DNAH5: variants seen among roughly 807,000 people sequenced by gnomAD.
DNAH5 encodes the protein axonemal beta dynein heavy chain 5.
Under a neutral mutation model 518.2 loss-of-function variants are expected in DNAH5, and 372 were observed. That is an observed-to-expected ratio of 0.72 (90% confidence interval 0.66 to 0.78). The LOEUF (loss-of-function observed/expected upper bound fraction) is 0.78. Ranked by LOEUF, DNAH5 falls within the 30% of genes least tolerant of loss-of-function variation. The pLI, the probability that DNAH5 is intolerant of heterozygous loss-of-function variation, is 0.00. For synonymous variants in DNAH5, 2,039 were observed against 2,025.9 expected, an observed-to-expected ratio of 1.01 and a Z score of -0.17; for missense variants, 5,523 against 5,687.0, an observed-to-expected ratio of 0.97 and a Z score of 0.93.
At chr5:13,953,339 G>A (rs971135201) in intron 1 of DNAH5, among the ~76,000 whole-genome samples, 1 of 152,090 alleles carries the variant, frequency 6.6e-6, no homozygotes, top group Non-Finnish European at 1.5e-5. Flanking sequence ...GTAATACCTT[G>A]TTCCTGCTTC....
chr5:13,708,112 C>G lies in DNAH5; in HGVS notation c.13338+11G>C. The G allele has an allele frequency of 6.2e-7, 1 of 1,613,712 alleles. No individual in the cohort carries two copies. The highest frequency in any genetic ancestry group is 8.5e-7 in the Non-Finnish European group (1 of 1,179,676). Reference sequence around the variant, plus strand: ...AGTGAACAGGCAGAATAACAGCAGGCTTATACGTACTTTTTTCCACCAAGC... The same window carrying G: ...AGTGAACAGGCAGAATAACAGCAGGGTTATACGTACTTTTTTCCACCAAGC... On this transcript the variant is annotated intron_variant, in intron 76 of 78. Coordinates refer to ENST00000265104, the MANE Select transcript of DNAH5 (RefSeq NM_001369.3).
chr5:13,864,438 T>TATTTCTTAACTTAAAGCTTTC lies in DNAH5; in HGVS notation c.4534_4554dup (p.Glu1512_Asn1518dup). 6.2e-7 allele frequency: 1 copy of TATTTCTTAACTTAAAGCTTTC among 1,614,196 alleles called. No homozygotes were observed. The highest frequency in any genetic ancestry group is 8.5e-7 in the Non-Finnish European group (1 of 1,180,016). On this transcript the variant is annotated inframe_insertion, in exon 28 of 79. Transcript: ENST00000265104. ...TATTTCAGAAGAGGTGCCTCCATGA[T>TATTTCTTAACTTAAAGCTTTC]ATTTCTTAACTTAAAGCTTTCATTC... is the stretch of plus-strand genomic sequence containing the variant.
At chr5:14,003,421 T>C (rs189610456) in intron 1 of DNAH5, among the ~76,000 whole-genome samples, 1 of 152,330 alleles carries the variant, frequency 6.6e-6, no homozygotes, top group East Asian at 1.9e-4. Flanking sequence ...CCTTCTTTGG[T>C]AGGTAAGATC....
chr5:13,928,908 T>C (rs1298207363), intron 2 of DNAH5, among the ~76,000 whole-genome samples: 1 of 152,152 alleles, frequency 6.6e-6, no homozygotes, highest in Admixed American at 6.5e-5. Flanking sequence ...ATGTAAATGG[T>C]GGAGCCGTTG....
chr5:13,894,172 C>A (rs889443583), intron 16 of DNAH5, among the ~76,000 whole-genome samples: 1 of 152,180 alleles, frequency 6.6e-6, no homozygotes, highest in Non-Finnish European at 1.5e-5. Context: ...TTGCAACATA[C>A]CCGTACACAT....
At chr5:13,781,613 C>G (rs1450105438) in intron 52 of DNAH5, among the ~76,000 whole-genome samples, 1 of 151,990 alleles carries the variant, frequency 6.6e-6, no homozygotes, top group Non-Finnish European at 1.5e-5. Context: ...ATGGTTTTAT[C>G]AGGGGTTTTC....
intron 12 of DNAH5, among the ~76,000 whole-genome samples, chr5:13,905,282 T>C (rs57268322): frequency 0.066 from 10,046 of 152,252 alleles, 616 homozygotes; most frequent in African/African-American, 0.16. Flanking sequence ...TAAGAGGTTA[T>C]TAGGCCCTGA....
At chr5:13,981,938 G>T (rs1347597465) in intron 1 of DNAH5, among the ~76,000 whole-genome samples, 8 of 152,160 alleles carry the variant, frequency 5.3e-5, no homozygotes, top group Non-Finnish European at 7.3e-5. Flanking sequence ...GAAACACAAG[G>T]CGTAAGCTTT....
chr5:13,878,053 T>A (rs1771131266), intron 21 of DNAH5, among the ~76,000 whole-genome samples: 1 of 152,042 alleles, frequency 6.6e-6, no homozygotes, highest in Non-Finnish European at 1.5e-5. Flanking sequence ...CATTTGTGTG[T>A]CTCTCTAGAC....
In DNAH5 at chr5:13,876,924, TCTC is replaced by T. The variant is rs1462865840; in HGVS notation, c.3263-110_3263-108del. On this transcript the variant is annotated intron_variant, in intron 21 of 78. Transcript: ENST00000265104. ...GTAAAGCAAGGACTTCTGAAAATCT[TCTC>T]CTTTATAAAAACAATGAAAATAATG... 42 of 1,136,462 alleles carry T rather than the reference TCTC, an allele frequency of 3.7e-5. No individual in the cohort carries two copies. In the East Asian group the frequency reaches 4.4e-4, roughly 12 times the overall value. The allele number at this position is 1,136,462 out of a possible 1,614,324, so 70.4% of individuals were successfully genotyped here. A position where few individuals can be genotyped will look rare whatever the true frequency, so the allele number is the denominator to read the frequency against.
chr5:14,007,568 G>A (rs1305431913), intron 1 of DNAH5, among the ~76,000 whole-genome samples: 1 of 152,190 alleles, frequency 6.6e-6, no homozygotes, highest in African/African-American at 2.4e-5. Context: ...CCCCATCTGG[G>A]ATAGGTACAA....
At chr5:13,991,416 C>T (rs1022820771) in intron 1 of DNAH5, among the ~76,000 whole-genome samples, 1 of 151,374 alleles carries the variant, frequency 6.6e-6, no homozygotes, top group African/African-American at 2.4e-5. Flanking sequence ...TAAATGCCTG[C>T]TTGTCAGACA....
At chr5:13,822,882 G>A (rs1046895984) in intron 40 of DNAH5, among the ~76,000 whole-genome samples, 2 of 151,944 alleles carry the variant, frequency 1.3e-5, no homozygotes, top group South Asian at 2.1e-4. Context: ...CAAATAACAC[G>A]CAGAGGCAGG....
chr5:13,921,162 T>A (rs1040568383), intron 5 of DNAH5, among the ~76,000 whole-genome samples: 41 of 152,140 alleles, frequency 2.7e-4, no homozygotes, highest in African/African-American at 9.7e-4. Flanking sequence ...CTGCCCTCCA[T>A]CACAGTCAAT....
Position 13,842,433 on chromosome 5 carries a change from A to AAGAGAGAGAGAGAGAGAGAG in DNAH5, c.5272-530_5272-529insCTCTCTCTCTCTCTCTCTCT, listed in dbSNP as rs756093950. ...GAAAGAAAAGAAAAGAAAAGAAAGAAAGAAAGAAAGAAAGAAAGAAAGAAA... is the reference window on the plus strand; with the variant it reads ...GAAAGAAAAGAAAAGAAAAGAAAGAAAGAGAGAGAGAGAGAGAGAGAGAAAGAAAGAAAGAAAGAAAGAAA... On this transcript the variant is annotated intron_variant, in intron 32 of 78. Coordinates refer to ENST00000265104, the MANE Select transcript of DNAH5 (RefSeq NM_001369.3). 7.1e-4 allele frequency among the ~76,000 whole-genome samples: 44 copies of AAGAGAGAGAGAGAGAGAGAG among 61,928 alleles called. 1 individual carries two copies. Among genetic ancestry groups the AAGAGAGAGAGAGAGAGAGAG allele is most frequent in the African/African-American group, 2.5e-3 (39 of 15,456 alleles). The allele number at this position is 61,928 out of a possible 152,430, so 40.6% of individuals were successfully genotyped here.
intron 78 of DNAH5, among the ~76,000 whole-genome samples, chr5:13,698,839 A>T (rs975181096): frequency 5.9e-5 from 9 of 152,210 alleles, no homozygotes; most frequent in Non-Finnish European, 8.8e-5. Context: ...GGCAACTCCA[A>T]TTGTTTGCTG....
chr5:13,805,858 G>A (rs1759501813), intron 47 of DNAH5, among the ~76,000 whole-genome samples: 1 of 152,168 alleles, frequency 6.6e-6, no homozygotes, highest in Non-Finnish European at 1.5e-5. Context: ...TCAGAGGTAT[G>A]GGTCTCTTGA....
intron 12 of DNAH5, among the ~76,000 whole-genome samples, chr5:13,902,553 C>T (rs1485512488): frequency 1.3e-5 from 2 of 152,162 alleles, no homozygotes; most frequent in African/African-American, 2.4e-5. Context: ...GACATCTGCC[C>T]AAACCCTTGA....
At chr5:13,919,471 A>G in intron 6 of DNAH5, 119 bp from the exon 7 acceptor site, 2 of 1,162,238 alleles carry the variant, frequency 1.7e-6, no homozygotes, top group Non-Finnish European at 2.4e-6. Context: ...ATATATGCGT[A>G]TTCCATGCTT....
Sources: allele counts gnomAD v4.1 joint callset (sites outside exome capture counted in the v4.1 genomes callset), GRCh38; gene constraint gnomAD v4.1.1; transcripts MANE v1.5; gene names NCBI Gene and HGNC (gene_info 2026-07-23, HGNC 2026-07-21).